The following SULF1 variants were observed in gnomAD, a reference collection of about 807,000 sequenced individuals.
The protein encoded by SULF1 is sulfatase 1.
In SULF1, 46 loss-of-function variants were observed where a neutral mutation model predicts 110.5. That is an observed-to-expected ratio of 0.42 (90% CI 0.33 to 0.53). SULF1 has a LOEUF of 0.53. Ranked by LOEUF, SULF1 falls within the 20% of genes least tolerant of loss-of-function variation. SULF1 has a pLI of 0.12. For missense variants in SULF1, 941 were observed against 1,094.2 expected, an observed-to-expected ratio of 0.86 and a Z score of 1.98; for synonymous variants, 371 against 387.1, an observed-to-expected ratio of 0.96 and a Z score of 0.49.
chr8:69,549,965 G>A (rs1462245172), intron 3 of SULF1, among the ~76,000 whole-genome samples: 3 of 151,820 alleles, frequency 2.0e-5, no homozygotes, highest in African/African-American at 4.8e-5. Context: ...AAGGTGAAAG[G>A]GGGGCTGTAC....
At chr8:69,578,980 G>A (rs1805851024) in intron 6 of SULF1, among the ~76,000 whole-genome samples, 1 of 151,278 alleles carries the variant, frequency 6.6e-6, no homozygotes, top group Admixed American at 6.6e-5. Context: ...TGGCTATCAC[G>A]GTGAAACTGT....
intron 2 of SULF1, 131 bp from the exon 3 acceptor site, chr8:69,501,743 C>T (rs1810812201): frequency 6.6e-6 from 1 of 152,184 alleles, no homozygotes. Context: ...GAAAATCGGT[C>T]TGGATGAAAT....
intron 3 of SULF1, among the ~76,000 whole-genome samples, chr8:69,540,752 C>A (rs1486737431): frequency 6.6e-6 from 1 of 152,148 alleles, no homozygotes; most frequent in Non-Finnish European, 1.5e-5. Flanking sequence ...ATGTGTTATA[C>A]CTTCTTTTTC....
chr8:69,648,000 G>A (rs1054541683), intron 22 of SULF1, among the ~76,000 whole-genome samples: 5 of 151,284 alleles, frequency 3.3e-5, no homozygotes, highest in East Asian at 3.9e-4. Context: ...CTAGCAGGAC[G>A]CCAAAATCAG....
chr8:69,485,088 C>A (rs1809652082), intron 1 of SULF1, among the ~76,000 whole-genome samples: 1 of 152,146 alleles, frequency 6.6e-6, no homozygotes, highest in Non-Finnish European at 1.5e-5. Context: ...GATGGGAGCT[C>A]AGGAAAAGTG....
chr8:69,494,219 A>T (rs1436677314), intron 1 of SULF1, among the ~76,000 whole-genome samples: 2 of 152,264 alleles, frequency 1.3e-5, no homozygotes, highest in Non-Finnish European at 2.9e-5. Flanking sequence ...TTACCTCTAG[A>T]TGAATAGATG....
chr8:69,547,334 C>T (rs1586365974), intron 3 of SULF1, among the ~76,000 whole-genome samples: 1 of 152,222 alleles, frequency 6.6e-6, no homozygotes, highest in East Asian at 1.9e-4. Flanking sequence ...CATGAAAGAG[C>T]AAATATCTTC....
intron 2 of SULF1, among the ~76,000 whole-genome samples, chr8:69,500,173 A>G (rs986122401): frequency 6.6e-6 from 1 of 152,196 alleles, no homozygotes; most frequent in African/African-American, 2.4e-5. Context: ...TTGTATCTTT[A>G]TTACTGGTCT....
intron 22 of SULF1, among the ~76,000 whole-genome samples, chr8:69,646,578 C>G (rs1811927732): frequency 1.3e-5 from 2 of 151,980 alleles, no homozygotes; most frequent in Non-Finnish European, 2.9e-5. Flanking sequence ...AGGTGCCTGC[C>G]ACCACACCCA....
intron 3 of SULF1, among the ~76,000 whole-genome samples, chr8:69,530,451 T>C (rs1341999135): frequency 3.3e-5 from 5 of 152,268 alleles, no homozygotes; most frequent in African/African-American, 7.2e-5. Context: ...TTAGAGATAG[T>C]TAAATATAGT....
At chr8:69,603,042 C>T in intron 10 of SULF1, 150 bp from the exon 11 acceptor site, 1 of 1,099,980 alleles carries the variant, frequency 9.1e-7, no homozygotes, top group Non-Finnish European at 1.3e-6. Context: ...CACACACCCA[C>T]CCTTGCCACA....
At position 69,640,813 on chromosome 8, in the gene SULF1, A is replaced by G. The variant is rs1811419215; in HGVS notation, c.2557A>G (p.Lys853Glu). 1 of 1,611,542 alleles carries G rather than the reference A, an allele frequency of 6.2e-7. No homozygotes were observed. The highest frequency in any genetic ancestry group is 1.7e-5 in the Admixed American group (1 of 59,542). The part of the protein sequence containing the change: ...PRPKNLDVGN[K>E]DGGSYDLHRG... ...CTTGTATTTTCCTATATCAGGAAAT[A>G]AAGATGGAGGAAGCTATGACCTACA... Residue 853 changes from lysine to glutamate, a missense_variant, in exon 22 of 23, where the codon AAA (lysine) becomes GAA (glutamate). Physicochemically the swap from Lys to Glu is moderately conservative, Grantham distance 56. Coordinates refer to ENST00000402687, the MANE Select transcript of SULF1 (RefSeq NM_001128205.2).
At chr8:69,618,320 GA>G (rs551339497) in intron 13 of SULF1, among the ~76,000 whole-genome samples, 1 of 152,130 alleles carries the variant, frequency 6.6e-6, no homozygotes, top group African/African-American at 2.4e-5. Flanking sequence ...AATTGAAAAA[GA>G]AAAGATGATT....
rs971685712 is a variant in SULF1 at position 69,552,665 on chromosome 8, A to G, written c.-133-10874A>G. Among the ~76,000 whole-genome samples, 10 of 152,234 alleles carry G rather than the reference A, an allele frequency of 6.6e-5. 1 individual carries two copies. The highest frequency in any genetic ancestry group is 2.0e-4 in the Admixed American group (3 of 15,280). Reference sequence around the variant, plus strand: ...ACAGTTTTACAGGATTTATTGATCCAATACTTAACCAACCAATGGCCACAT... The same window carrying G: ...ACAGTTTTACAGGATTTATTGATCCGATACTTAACCAACCAATGGCCACAT... On this transcript the variant is annotated intron_variant, in intron 3 of 22. Coordinates refer to ENST00000402687, the MANE Select transcript of SULF1 (RefSeq NM_001128205.2).
At chr8:69,598,745 T>A (rs550561170) in intron 8 of SULF1, among the ~76,000 whole-genome samples, 1 of 152,324 alleles carries the variant, frequency 6.6e-6, no homozygotes, top group African/African-American at 2.4e-5. Context: ...ATGAGCACAT[T>A]TGAGCCACAC....
intron 6 of SULF1, among the ~76,000 whole-genome samples, chr8:69,577,889 T>C (rs1162391305): frequency 6.6e-6 from 1 of 152,240 alleles, no homozygotes; most frequent in Admixed American, 6.5e-5. Flanking sequence ...TATTTATTTA[T>C]GTAATGATTC....
chr8:69,580,639 T>A (rs1309272579), intron 6 of SULF1, among the ~76,000 whole-genome samples: 1 of 152,228 alleles, frequency 6.6e-6, no homozygotes, highest in Non-Finnish European at 1.5e-5. Context: ...TTAACAATTG[T>A]GGTATTTGAA....
At chr8:69,551,962 C>G (rs977622405) in intron 3 of SULF1, among the ~76,000 whole-genome samples, 1 of 152,122 alleles carries the variant, frequency 6.6e-6, no homozygotes, top group Admixed American at 6.5e-5. Flanking sequence ...CATGGTGGTG[C>G]ACACCTGTAA....
chr8:69,659,291 G>C lies in SULF1; in HGVS notation c.*756G>C, dbSNP rs1327148812. 1 of 433,602 alleles carries C rather than the reference G, an allele frequency of 2.3e-6. No homozygotes were observed. Among genetic ancestry groups the C allele is most frequent in the African/African-American group, 2.0e-5 (1 of 49,062 alleles). The allele number at this position is 433,602 out of a possible 1,614,324, so 26.9% of individuals were successfully genotyped here. A position where few individuals can be genotyped will look rare whatever the true frequency, so the allele number is the denominator to read the frequency against. ...AAGGAGAAGTCACAGCACCTAGAAG[G>C]CAGCGCCTCCTCTTCACTCTCCTCT... On this transcript the variant is annotated 3_prime_UTR_variant, in exon 23 of 23. Coordinates refer to ENST00000402687, the MANE Select transcript of SULF1 (RefSeq NM_001128205.2).
Sources: gnomAD v4.1 joint callset for allele counts (sites outside exome capture counted in the v4.1 genomes callset) on GRCh38, gnomAD v4.1.1 for gene constraint, MANE v1.5 for transcripts, NCBI Gene and HGNC (gene_info 2026-07-23, HGNC 2026-07-21) for gene names.